P2RY14: variants seen among roughly 807,000 people sequenced by gnomAD.
P2RY14 encodes P2Y purinoceptor 14.
P2RY14 carries 2 observed loss-of-function variants against 0.9 expected under a neutral mutation model. The observed-to-expected ratio is 2.16, with a 90% CI of 0.88 to 6.79. The LOEUF is 6.79. Ranked by LOEUF, P2RY14 falls within the 30% of genes most tolerant of loss-of-function variation. The pLI is 0.05. For synonymous variants in P2RY14, 158 were observed against 147.2 expected (o/e 1.07, Z -0.53); for missense variants, 378 against 400.1 (o/e 0.94, Z 0.47).
At chr3:151,262,863 G>A (rs527694347) in intron 1 of P2RY14, among the ~76,000 whole-genome samples, 4 of 152,144 alleles carry the variant, frequency 2.6e-5, no homozygotes, top group East Asian at 3.9e-4. Flanking sequence ...TCCTGTTAAC[G>A]TCTCCTCAGT....
chr3:151,261,254 C>A (rs1738826884), intron 1 of P2RY14: 1 of 151,812 alleles, frequency 6.6e-6, no homozygotes, highest in Non-Finnish European at 1.5e-5. Flanking sequence ...AAAAAAAAAC[C>A]CCAAAAGGCA....
At chr3:151,250,179 T>A (rs1736566500) in intron 1 of P2RY14, among the ~76,000 whole-genome samples, 1 of 152,210 alleles carries the variant, frequency 6.6e-6, no homozygotes, top group South Asian at 2.1e-4. Context: ...CCTCAGCACT[T>A]ATCTAGAACT....
chr3:151,220,076 C>G (rs995576525), intron 1 of P2RY14, among the ~76,000 whole-genome samples: 2 of 148,218 alleles, frequency 1.3e-5, no homozygotes, highest in African/African-American at 5.0e-5. Context: ...TGGGAGCTGT[C>G]CTATGCATTG....
At chr3:151,251,365 A>G (rs79367295) in intron 1 of P2RY14, among the ~76,000 whole-genome samples, 7,118 of 152,100 alleles carry the variant, frequency 0.047, 192 homozygotes, top group East Asian at 0.12. Context: ...TAGCCAGTCA[A>G]TCTCCAAAGC....
rs79371526 is a variant in P2RY14 at position 151,228,702 on chromosome 3, A to G, written c.-132-9060T>C. Among the ~76,000 whole-genome samples, 966 of 152,134 alleles carry G rather than the reference A, an allele frequency of 6.3e-3. 3 individuals are homozygous for G. Among genetic ancestry groups the G allele is most frequent in the African/African-American group, 0.023 (933 of 41,460 alleles). On this transcript the variant is annotated intron_variant, in intron 1 of 2. Coordinates refer to ENST00000309170, the MANE Select transcript of P2RY14 (RefSeq NM_014879.4). ...CAGAGTGTTTCAGTTCTAATTTACC[A>G]GTCCCTACACAATGCTAATCTTTCA...
At chr3:151,226,950 A>G (rs949176980) in intron 1 of P2RY14, among the ~76,000 whole-genome samples, 1 of 152,218 alleles carries the variant, frequency 6.6e-6, no homozygotes, top group African/African-American at 2.4e-5. Flanking sequence ...GATCTGCTGC[A>G]TGTGGTTTGG....
chr3:151,243,766 A>C (rs1250590599), intron 1 of P2RY14, among the ~76,000 whole-genome samples: 2 of 151,880 alleles, frequency 1.3e-5, no homozygotes, highest in African/African-American at 2.4e-5. Flanking sequence ...ACACATAACA[A>C]TATTAACTTT....
intron 1 of P2RY14, among the ~76,000 whole-genome samples, chr3:151,229,377 C>T (rs539199647): frequency 6.7e-6 from 1 of 149,236 alleles, no homozygotes; most frequent in East Asian, 2.0e-4. Context: ...TCGTGATCTC[C>T]GCTCACTGCA....
Position 151,212,802 on chromosome 3 carries a change from C to T in P2RY14, c.*498G>A, listed in dbSNP as rs1163653045. ...GTCAGCTTTTCCTGCTTCTTCAAAT[C>T]AGGAAAAAAACCTGACTTTTTATTG... On this transcript the variant is annotated 3_prime_UTR_variant, in exon 3 of 3. Coordinates refer to ENST00000309170, the MANE Select transcript of P2RY14 (RefSeq NM_014879.4). The T allele has an allele frequency of 6.6e-6, 1 of 151,844 alleles. No individual in the cohort carries two copies. The highest frequency in any genetic ancestry group is 1.5e-5 in the Non-Finnish European group (1 of 68,010). The allele number at this position is 151,844 out of a possible 1,614,324, so 9.4% of individuals were successfully genotyped here. A position where few individuals can be genotyped will look rare whatever the true frequency, so the allele number is the denominator to read the frequency against.
At chr3:151,247,348 G>C (rs1290237934) in intron 1 of P2RY14, among the ~76,000 whole-genome samples, 2 of 152,176 alleles carry the variant, frequency 1.3e-5, no homozygotes, top group South Asian at 2.1e-4. Flanking sequence ...CAATAGCAAA[G>C]ACTTGGAACC....
rs753311026 is a variant in P2RY14, at chr3:151,278,437, G to A, written c.-283C>T. 5.3e-5 allele frequency: 8 copies of A among 152,132 alleles called. No homozygotes were observed. The highest frequency in any genetic ancestry group is 8.8e-5 in the Non-Finnish European group (6 of 68,042). The allele number at this position is 152,132 out of a possible 1,614,324, so 9.4% of individuals were successfully genotyped here. On this transcript the variant is annotated 5_prime_UTR_variant, in exon 1 of 3. Transcript: ENST00000309170. The stretch of plus-strand genomic sequence containing the variant: ...ACTTGACAGAAACCACAAGATAGTG[G>A]GTCCCTCTGCTGCTGTTGTCAGATA...
At chr3:151,255,193 A>G (rs966269578) in intron 1 of P2RY14, among the ~76,000 whole-genome samples, 3 of 152,154 alleles carry the variant, frequency 2.0e-5, no homozygotes, top group Non-Finnish European at 4.4e-5. Context: ...AGAAGGAGCA[A>G]TCTGAGGATA....
chr3:151,248,837 C>T (rs561458164), intron 1 of P2RY14: 1 of 152,222 alleles, frequency 6.6e-6, no homozygotes, highest in South Asian at 2.1e-4. Context: ...TAACTGTACT[C>T]TGCATTAGAT....
At position 151,213,197 on chromosome 3, in the gene P2RY14, A is replaced by C; in HGVS notation, c.*103T>G. ...TTGAACTAAATTGGATGGCAGTGCT[A>C]GAGATGATATTTATGATGAGGGCAC... On this transcript the variant is annotated 3_prime_UTR_variant, in exon 3 of 3. Transcript: ENST00000309170. 2.3e-6 allele frequency: 2 copies of C among 876,468 alleles called. No individual in the cohort carries two copies. The highest frequency in any genetic ancestry group is 3.5e-6 in the Non-Finnish European group (2 of 565,052). The allele number at this position is 876,468 out of a possible 1,614,324, so 54.3% of individuals were successfully genotyped here.
chr3:151,214,182 C>T lies in P2RY14; in HGVS notation c.135G>A (p.Trp45Ter), dbSNP rs149897873. Residue 45 changes from tryptophan (W) to a stop codon, truncating the protein, a stop_gained, in exon 3 of 3, where the codon TGG becomes TGA. Transcript: ENST00000309170. LOFTEE classifies it low-confidence loss of function (END_TRUNC). ...TAGAGCTGGGCACGTAAAAGAATATCCATCCTGACACTCCATTGAGTAGGA... is the reference window on the plus strand; with the variant it reads ...TAGAGCTGGGCACGTAAAAGAATATTCATCCTGACACTCCATTGAGTAGGA... The part of the protein sequence containing the change: ...AGILLNGVSG[W>*]IFFYVPSSKS... 1 of 1,614,096 alleles carries T rather than the reference C, an allele frequency of 6.2e-7. No homozygotes were observed. Among genetic ancestry groups the T allele is most frequent in the South Asian group, 1.1e-5 (1 of 91,080 alleles).
chr3:151,261,189 C>T (rs1157396222), intron 1 of P2RY14, among the ~76,000 whole-genome samples: 5 of 151,770 alleles, frequency 3.3e-5, no homozygotes, highest in Non-Finnish European at 2.9e-5. Flanking sequence ...TTGGAAATGC[C>T]CATGAATGAG....
In P2RY14 at chr3:151,213,307, G is replaced by C. The variant is rs1042409361; in HGVS notation, c.1010C>G (p.Thr337Ser). 1 of 1,604,450 alleles carries C rather than the reference G, an allele frequency of 6.2e-7. No individual in the cohort carries two copies. Among genetic ancestry groups the C allele is most frequent in the South Asian group, 1.1e-5 (1 of 88,990 alleles). ...RGNTTLESTD[T>S]L Reference sequence around the variant, plus strand: ...TTGGAAGAGGGTAGGAACTCACAAAGTATCTGTGCTTTCAAGTGTTGTATT... The same window carrying C: ...TTGGAAGAGGGTAGGAACTCACAAACTATCTGTGCTTTCAAGTGTTGTATT... The change falls in exon 3 of 3, where the codon ACT (threonine) becomes AGT (serine). Residue 337 changes from threonine (T) to serine (S), a missense_variant. Transcript: ENST00000309170.
chr3:151,225,406 C>G (rs551352211), intron 1 of P2RY14, among the ~76,000 whole-genome samples: 1 of 152,252 alleles, frequency 6.6e-6, no homozygotes, highest in South Asian at 2.1e-4. Context: ...TCTGGTGAGG[C>G]CTTCCTGCTG....
intron 1 of P2RY14, among the ~76,000 whole-genome samples, chr3:151,233,203 C>T (rs1185714207): frequency 6.6e-6 from 1 of 152,154 alleles, no homozygotes; most frequent in Non-Finnish European, 1.5e-5. Flanking sequence ...TGCCTCACCT[C>T]CACAGGGTAG....
Sources: gnomAD v4.1 joint callset for allele counts (sites outside exome capture counted in the v4.1 genomes callset) on GRCh38, gnomAD v4.1.1 for gene constraint, MANE v1.5 for transcripts, NCBI Gene and HGNC (gene_info 2026-07-23, HGNC 2026-07-21) for gene names.